The following ZNG1E variants were observed in gnomAD, a reference collection of about 807,000 sequenced individuals.
The protein encoded by ZNG1E is Zn regulated GTPase metalloprotein activator 1E.
At chr9:65,671,939 T>C in the ZNG1E span, among the ~76,000 whole-genome samples, 2 of 138,616 alleles carry the variant, frequency 1.4e-5, no homozygotes, top group African/African-American at 2.8e-5. Context: ...TCTCTTATTA[T>C]ATAAGTACCT....
chr9:65,710,609 G>A, the ZNG1E span, among the ~76,000 whole-genome samples: 6 of 152,064 alleles, frequency 3.9e-5, no homozygotes, highest in Admixed American at 6.6e-5. Flanking sequence ...TATTAAATAC[G>A]GAATCCTTTC....
At chr9:65,659,548 A>T in the ZNG1E span, among the ~76,000 whole-genome samples, 1 of 151,744 alleles carries the variant, frequency 6.6e-6, no homozygotes, top group Non-Finnish European at 1.5e-5. Flanking sequence ...AGAATTCTCA[A>T]CTTCACTGTG....
chr9:65,681,151 CAG>C, the ZNG1E span, among the ~76,000 whole-genome samples: 2 of 151,696 alleles, frequency 1.3e-5, no homozygotes, highest in South Asian at 2.1e-4. Flanking sequence ...GTTTGTCTAA[CAG>C]AAACAATTTA....
At chr9:65,676,935 C>T in the ZNG1E span, among the ~76,000 whole-genome samples, 1 of 143,990 alleles carries the variant, frequency 6.9e-6, no homozygotes, top group Non-Finnish European at 1.5e-5. Flanking sequence ...TAAAATAATA[C>T]TGTTTCCGGG....
the ZNG1E span, chr9:65,682,973 CT>C: frequency 5.1e-5 from 5 of 97,606 alleles, no homozygotes; most frequent in Non-Finnish European, 7.8e-5. Flanking sequence ...AAACCAAAAA[CT>C]TTTTTTGGTT....
the ZNG1E span, among the ~76,000 whole-genome samples, chr9:65,681,274 C>G: frequency 1.3e-5 from 2 of 151,638 alleles, no homozygotes; most frequent in Non-Finnish European, 2.9e-5. Flanking sequence ...TTACCCTGGA[C>G]AAGAAAAAAA....
the ZNG1E span, among the ~76,000 whole-genome samples, chr9:65,678,578 T>C: frequency 6.8e-6 from 1 of 147,322 alleles, no homozygotes; most frequent in South Asian, 2.2e-4. Context: ...GTCATACAGT[T>C]GAACTACAAT....
At chr9:65,673,898 G>A in the ZNG1E span, among the ~76,000 whole-genome samples, 1 of 152,296 alleles carries the variant, frequency 6.6e-6, no homozygotes, top group Non-Finnish European at 1.5e-5. Context: ...CAAAGAAGGT[G>A]GTGAGGGCTG....
chr9:65,686,636 A>G, the ZNG1E span, among the ~76,000 whole-genome samples: 1 of 152,000 alleles, frequency 6.6e-6, no homozygotes, highest in African/African-American at 2.4e-5. Context: ...CTCCATCTCA[A>G]AATAAATAAA....
At chr9:65,675,537 G>T in the ZNG1E span, among the ~76,000 whole-genome samples, 1 of 148,246 alleles carries the variant, frequency 6.7e-6, no homozygotes, top group African/African-American at 2.6e-5. Flanking sequence ...TTTTTTTAAC[G>T]AGACTAAAAA....
the ZNG1E span, among the ~76,000 whole-genome samples, chr9:65,681,147 C>T: frequency 6.6e-6 from 1 of 151,588 alleles, no homozygotes; most frequent in Non-Finnish European, 1.5e-5. Flanking sequence ...AGCAGTTTGT[C>T]TAACAGAAAC....
the ZNG1E span, among the ~76,000 whole-genome samples, chr9:65,715,014 G>C: frequency 6.7e-6 from 1 of 149,708 alleles, no homozygotes; most frequent in African/African-American, 2.5e-5. Flanking sequence ...CCGCCTTGCA[G>C]TTTGATCTCA....
At chr9:65,673,760 G>A in the ZNG1E span, among the ~76,000 whole-genome samples, 21 of 145,486 alleles carry the variant, frequency 1.4e-4, no homozygotes, top group South Asian at 2.2e-4. Context: ...AGCTGTGATC[G>A]TGCCAATGCA....
chr9:65,676,639 C>CT, the ZNG1E span, among the ~76,000 whole-genome samples: 56 of 151,482 alleles, frequency 3.7e-4, no homozygotes, highest in African/African-American at 8.3e-4. Flanking sequence ...ATCTTAAACA[C>CT]TTTTTTTTTG....
the ZNG1E span, chr9:65,708,771 T>C: frequency 3.3e-6 from 2 of 598,332 alleles, no homozygotes; most frequent in African/African-American, 3.8e-5. Context: ...GTGATTCAAA[T>C]CTTACACCAT....
chr9:65,717,682 T>G, the ZNG1E span, among the ~76,000 whole-genome samples: 1 of 149,398 alleles, frequency 6.7e-6, no homozygotes, highest in African/African-American at 2.6e-5. Flanking sequence ...AAATTTGCCT[T>G]TCATTTTTTT....
chr9:65,714,606 A>G, the ZNG1E span, among the ~76,000 whole-genome samples: 2 of 152,092 alleles, frequency 1.3e-5, no homozygotes, highest in Admixed American at 1.3e-4. Flanking sequence ...TCTAACAGAC[A>G]GGACCTTCAG....
chr9:65,680,793 G>GA, the ZNG1E span, among the ~76,000 whole-genome samples: 1 of 150,080 alleles, frequency 6.7e-6, no homozygotes. Flanking sequence ...AAAAGTTTAG[G>GA]TTTTTTTTTT....
chr9:65,674,842 A>G, the ZNG1E span, among the ~76,000 whole-genome samples: 1 of 144,080 alleles, frequency 6.9e-6, no homozygotes, highest in South Asian at 2.3e-4. Flanking sequence ...GAAGTTGCAC[A>G]CACATATGTC....
Sources: allele counts gnomAD v4.1 joint callset (sites outside exome capture counted in the v4.1 genomes callset), GRCh38; gene constraint gnomAD v4.1.1; transcripts MANE v1.5; gene names NCBI Gene and HGNC (gene_info 2026-07-23, HGNC 2026-07-21).